Variants in CCL26 observed in about 807,000 individuals in gnomAD.
The protein encoded by CCL26 is C-C motif chemokine 26.
In CCL26, 10 loss-of-function variants were observed where a neutral mutation model predicts 10.7. That is an observed-to-expected ratio of 0.93 (90% CI 0.57 to 1.58). The LOEUF (loss-of-function observed/expected upper bound fraction) is 1.58. Ranked by LOEUF, CCL26 falls within the 40% of genes most tolerant of loss-of-function variation. CCL26 has a pLI of 0.00. For synonymous variants in CCL26, 43 were observed against 41.4 expected (o/e 1.04, Z -0.15); for missense variants, 116 against 111.0 (o/e 1.05, Z -0.20).
At chr7:75,780,886 C>T (rs535139001) in intron 1 of CCL26, among the ~76,000 whole-genome samples, 8 of 152,262 alleles carry the variant, frequency 5.3e-5, no homozygotes, top group East Asian at 1.9e-4. Context: ...CCTCACACCC[C>T]GTCCGGCTTA....
upstream of CCL26, among the ~76,000 whole-genome samples, chr7:75,776,718 C>T (rs1351353171): frequency 2.0e-5 from 3 of 152,094 alleles, no homozygotes; most frequent in African/African-American, 7.2e-5. Context: ...TTAGTCATCA[C>T]AGAAATACAC....
chr7:75,776,068 CTT>C (rs534170968), upstream of CCL26, among the ~76,000 whole-genome samples: 536 of 99,594 alleles, frequency 5.4e-3, no homozygotes, highest in Non-Finnish European at 9.0e-3. Context: ...AGTTCACACT[CTT>C]TTTTTTTTTT....
chr7:75,780,798 C>G (rs191950057), intron 1 of CCL26, among the ~76,000 whole-genome samples: 13 of 152,066 alleles, frequency 8.5e-5, no homozygotes, highest in Non-Finnish European at 1.2e-4. Context: ...ACAGGCTGCT[C>G]GTTGCCAGGC....
At chr7:75,789,461 CTTTT>C (rs35341116) in intron 1 of CCL26, among the ~76,000 whole-genome samples, 9 of 122,980 alleles carry the variant, frequency 7.3e-5, no homozygotes, top group East Asian at 2.3e-4. Context: ...CTCTTTTTCT[CTTTT>C]TTTTTTTTTT....
At chr7:75,791,244 C>G (rs1277650757), upstream of CCL26, among the ~76,000 whole-genome samples, 4 of 152,002 alleles carry the variant, frequency 2.6e-5, no homozygotes, top group Non-Finnish European at 5.9e-5. Context: ...CCAGGCTGGT[C>G]TCAAACTCCT....
Position 75,771,724 on chromosome 7 carries a change from GA to G in CCL26, c.188+164del, listed in dbSNP as rs549524044. 2.1e-4 allele frequency among the ~76,000 whole-genome samples: 31 copies of G among 151,190 alleles called. No homozygotes were observed. The East Asian group carries it at 2.5e-3, about 12-fold the overall frequency. Reference sequence around the variant, plus strand: ...AGAAAGAAACTCCGTCTCAAAAAGAGAAAAAAAAAGTCAGGTTCTACCTGAA... The same window carrying G: ...AGAAAGAAACTCCGTCTCAAAAAGAGAAAAAAAAGTCAGGTTCTACCTGAA... On this transcript the variant is annotated intron_variant, in intron 2 of 2. Coordinates refer to ENST00000005180, the MANE Select transcript of CCL26 (RefSeq NM_001371938.1).
chr7:75,788,347 A>C (rs556047135), intron 1 of CCL26, among the ~76,000 whole-genome samples: 3,982 of 151,838 alleles, frequency 0.026, 64 homozygotes, highest in Middle Eastern at 0.078. Flanking sequence ...AAGCTCCCCC[A>C]CTGAGCACCT....
rs1287197218 is a variant in CCL26 at position 75,779,695 on chromosome 7, T to C, written c.-78-7441A>G. 3.9e-5 allele frequency among the ~76,000 whole-genome samples: 6 copies of C among 152,362 alleles called. 1 individual carries two copies. In the South Asian group the frequency reaches 1.0e-3, roughly 26 times the overall value. ...AATCACGCGGGGACGCGTGCCTGAT[T>C]ATTCACCCACATTTCATTGTTGTCT... is the stretch of plus-strand genomic sequence containing the variant. On this transcript the variant is annotated intron_variant, in intron 1 of 3. Coordinates refer to the CCL26 transcript ENST00000394905.
chr7:75,776,956 C>T (rs1301079499), upstream of CCL26, among the ~76,000 whole-genome samples: 2 of 152,090 alleles, frequency 1.3e-5, no homozygotes, highest in Non-Finnish European at 2.9e-5. Context: ...CATGGCCAGG[C>T]GCGGTGGCTC....
rs1240711342 is a variant in CCL26, at chr7:75,781,586, C to T, written c.-79+8131G>A. On this transcript the variant is annotated intron_variant, in intron 1 of 3. Transcript: ENST00000394905. ...GCCATCATATCCCCAGTGACCTGCA[C>T]GTATGCATCCAGATGGCCTGAAGTA... 1.3e-5 allele frequency among the ~76,000 whole-genome samples: 2 copies of T among 152,160 alleles called. 1 individual carries two copies. The highest frequency in any genetic ancestry group is 4.8e-5 in the African/African-American group (2 of 41,436).
In CCL26 at chr7:75,777,721, G is replaced by GAAAA. The variant is rs60039632; in HGVS notation, c.-78-5471_-78-5468dup. On this transcript the variant is annotated intron_variant, in intron 1 of 3. Transcript: ENST00000394905. ...CCCAACAGAGTGAGATCCTGTCTCA[G>GAAAA]AAAAAAAAAAAAAAAAAAAAAGCAG... Among the ~76,000 whole-genome samples the GAAAA allele has an allele frequency of 6.9e-4, 42 of 60,538 alleles. 5 individuals are homozygous for GAAAA. In the East Asian group the frequency reaches 0.015, roughly 21 times the overall value. 39.7% of individuals were successfully genotyped at this position (60,538 alleles called of 152,430 possible).
At chr7:75,775,422 T>G (rs972750334), upstream of CCL26, among the ~76,000 whole-genome samples, 8 of 152,112 alleles carry the variant, frequency 5.3e-5, no homozygotes, top group African/African-American at 1.9e-4. Flanking sequence ...GTGCAAGTCC[T>G]TTATTTGGGA....
At chr7:75,780,647 C>T (rs562646168) in intron 1 of CCL26, among the ~76,000 whole-genome samples, 12 of 152,104 alleles carry the variant, frequency 7.9e-5, no homozygotes, top group African/African-American at 1.2e-4. Context: ...ATCAGTCCCT[C>T]GCTAGTCTCT....
At chr7:75,774,407 C>A (rs576963913), upstream of CCL26, among the ~76,000 whole-genome samples, 1 of 152,212 alleles carries the variant, frequency 6.6e-6, no homozygotes, top group South Asian at 2.1e-4. Flanking sequence ...CCTCAGCCTC[C>A]CAAAGTGCTG....
intron 2 of CCL26, 30 bp downstream of exon 2, chr7:75,771,859 C>A (rs781866249): frequency 6.6e-7 from 1 of 1,505,292 alleles, no homozygotes; most frequent in Admixed American, 1.7e-5. Context: ...ACTGATGGGG[C>A]CCCAGAAAGT....
At chr7:75,773,648 G>A (rs928822137), upstream of CCL26, among the ~76,000 whole-genome samples, 2 of 151,970 alleles carry the variant, frequency 1.3e-5, no homozygotes, top group Non-Finnish European at 2.9e-5. Flanking sequence ...GGCAGAGGCA[G>A]GGGGATCGTC....
chr7:75,776,694 G>A (rs1802949924), upstream of CCL26, among the ~76,000 whole-genome samples: 1 of 152,094 alleles, frequency 6.6e-6, no homozygotes, highest in East Asian at 1.9e-4. Flanking sequence ...AATATAAAAA[G>A]CAACTTGGTT....
At chr7:75,783,197 T>A (rs1479863123) in intron 1 of CCL26, among the ~76,000 whole-genome samples, 1 of 152,154 alleles carries the variant, frequency 6.6e-6, no homozygotes, top group East Asian at 1.9e-4. Context: ...CCCCACTAAA[T>A]ATATACAGGA....
At position 75,781,810 on chromosome 7, in the gene CCL26, C is replaced by T. The variant is rs370360551; in HGVS notation, c.-79+7907G>A. On this transcript the variant is annotated intron_variant, in intron 1 of 3. Transcript: ENST00000394905. Reference sequence around the variant, plus strand: ...TACCTATCCAAATCCTATAAAACAGCCCCACCCCTATCTCCCTTCACTGAC... The same window carrying T: ...TACCTATCCAAATCCTATAAAACAGTCCCACCCCTATCTCCCTTCACTGAC... Among the ~76,000 whole-genome samples the T allele has an allele frequency of 1.2e-4, 18 of 152,148 alleles. No individual in the cohort carries two copies. In the South Asian group the frequency reaches 2.5e-3, roughly 21 times the overall value.
Sources: allele counts gnomAD v4.1 joint callset (sites outside exome capture counted in the v4.1 genomes callset), GRCh38; gene constraint gnomAD v4.1.1; transcripts MANE v1.5; gene names NCBI Gene and HGNC (gene_info 2026-07-23, HGNC 2026-07-21).